Variants in VILL observed in about 807,000 individuals in gnomAD.
VILL encodes the protein villin-like protein.
A neutral mutation model predicts 106.3 loss-of-function variants in VILL; 102 were observed. That is an observed-to-expected ratio of 0.96 (90% CI 0.82 to 1.13). The LOEUF is 1.13. VILL is among the 50% of genes most tolerant of loss of function. The pLI is 0.00. For synonymous variants in VILL, 431 were observed against 440.3 expected (o/e 0.98, Z 0.27); for missense variants, 1,076 against 1,116.6 (o/e 0.96, Z 0.52).
chr3:38,002,874 T>C, intron 14 of VILL: 2 of 527,240 alleles, frequency 3.8e-6, no homozygotes, highest in Non-Finnish European at 6.6e-6. Flanking sequence ...CCTATGCCAG[T>C]TTGCTGGAGT....
upstream of VILL, among the ~76,000 whole-genome samples, chr3:37,989,113 T>C (rs555055170): frequency 8.5e-5 from 13 of 152,162 alleles, no homozygotes; most frequent in Admixed American, 3.3e-4. Flanking sequence ...GGATCCACCA[T>C]GAACCAGCTG....
intron 14 of VILL, 117 bp downstream of exon 14, chr3:38,002,692 G>A: frequency 1.7e-6 from 2 of 1,207,824 alleles, no homozygotes; most frequent in Non-Finnish European, 2.3e-6. Context: ...GCCGATGGGG[G>A]GAATGGGGAG....
Position 37,997,161 on chromosome 3 carries a change from A to G in VILL, c.535A>G (p.Lys179Glu). 1 of 1,614,174 alleles carries G rather than the reference A, an allele frequency of 6.2e-7. No individual in the cohort carries two copies. The highest frequency in any genetic ancestry group is 8.5e-7 in the Non-Finnish European group (1 of 1,180,014). ...GKMMIQWNGP[K>E]TSISEKARGL... ...GATGATGATTCAGTGGAATGGGCCC[A>G]AGACCAGCATTTCTGAGAAGGCTCG... Residue 179 changes from lysine (K) to glutamate (E), a missense_variant, in exon 6 of 20, where the codon AAG (lysine) becomes GAG (glutamate). Lys to Glu is a moderately conservative substitution (Grantham distance 56). Transcript: ENST00000383759. The surrounding 1 kb of genome is among the most constrained non-coding windows in gnomAD (Gnocchi z 4.7).
chr3:37,992,694 C>A (rs1699628156), intron 1 of VILL, among the ~76,000 whole-genome samples: 1 of 152,060 alleles, frequency 6.6e-6, no homozygotes, highest in Admixed American at 6.5e-5. Context: ...CTCTAACCCC[C>A]TAGAAGGACA....
At position 38,002,249 on chromosome 3, in the gene VILL, G is replaced by A. The variant is rs2125536435; in HGVS notation, c.1480-147G>A. 5.6e-6 allele frequency: 4 copies of A among 719,910 alleles called. No individual in the cohort carries two copies. In the South Asian group the frequency reaches 5.7e-5, roughly 10 times the overall value. The allele number at this position is 719,910 out of a possible 1,614,324, so 44.6% of individuals were successfully genotyped here. On this transcript the variant is annotated intron_variant, in intron 13 of 19. Transcript: ENST00000383759. ...GATTCCTGCACTCCACACTTAGAGGGTCCTGTACTCCTCATGTGAAATCAC... is the reference window on the plus strand; with the variant it reads ...GATTCCTGCACTCCACACTTAGAGGATCCTGTACTCCTCATGTGAAATCAC...
rs1699717819 is a variant in VILL at position 37,997,166 on chromosome 3, C to T, written c.540C>T (p.Thr180=). Residue 180 remains threonine, a synonymous_variant, in exon 6 of 20, where the codon ACC becomes ACT. Coordinates refer to ENST00000383759, the MANE Select transcript of VILL (RefSeq NM_015873.4). This position sits in a 1 kb window ranked among gnomAD's most constrained non-coding sequence, Gnocchi z 4.7. ...KMMIQWNGPK[T]SISEKARGLA... ...TGATTCAGTGGAATGGGCCCAAGAC[C>T]AGCATTTCTGAGAAGGCTCGGGTCA... 6.2e-7 allele frequency: 1 copy of T among 1,614,008 alleles called. No homozygotes were observed. The highest frequency in any genetic ancestry group is 1.7e-5 in the Admixed American group (1 of 59,998).
At chr3:37,993,113 C>A (rs1160106699) in intron 1 of VILL, among the ~76,000 whole-genome samples, 1 of 152,216 alleles carries the variant, frequency 6.6e-6, no homozygotes, top group African/African-American at 2.4e-5. Flanking sequence ...ATAACAAAAT[C>A]GACAGAAGTG....
chr3:37,999,054 A>G lies in VILL; in HGVS notation c.1081+4A>G, dbSNP rs1235837333. On this transcript the variant is annotated splice_donor_region_variant and intron_variant, in intron 10 of 19. Transcript: ENST00000383759. ...AACCAGAAGCTCGGCGGGAGGGGTG[A>G]GCGGGCGGGGCGGGGCTGACGGGGG... 1 of 650,350 alleles carries G rather than the reference A, an allele frequency of 1.5e-6. No individual in the cohort carries two copies. The highest frequency in any genetic ancestry group is 2.7e-5 in the African/African-American group (1 of 37,162). 40.3% of individuals were successfully genotyped at this position (650,350 alleles called of 1,614,324 possible).
At chr3:37,993,364 GAA>G in intron 1 of VILL, 9 of 364,322 alleles carry the variant, frequency 2.5e-5, no homozygotes, top group South Asian at 1.0e-4. Context: ...AGGTTGCAGT[GAA>G]GTGTGTTCGA....
chr3:37,993,753 G>A (rs768104112), intron 2 of VILL, 21 bp downstream of exon 2: 1 of 1,613,514 alleles, frequency 6.2e-7, no homozygotes, highest in Admixed American at 1.7e-5. Flanking sequence ...CGACCAAATA[G>A]GAGAGTTGGT....
Position 38,007,182 on chromosome 3 carries a change from C to A in VILL, c.*127C>A. ...TGCGTGTCAGTAAAAGCAGGCAGCC[C>A]ATACGAGCTGTGGTATGCGTGCTTT... On this transcript the variant is annotated 3_prime_UTR_variant, in exon 20 of 20. Transcript: ENST00000383759. 1.3e-6 allele frequency: 1 copy of A among 779,708 alleles called. No homozygotes were observed. 48.3% of individuals were successfully genotyped at this position (779,708 alleles called of 1,614,324 possible).
chr3:38,001,522 G>A lies in VILL; in HGVS notation c.1249G>A (p.Gly417Ser). ...CAAGCGTCATGGACAGCTGTGTGCA[G>A]GCAACTGCTACCTTGTGCTCTACAC... The part of the protein sequence containing the change: ...DPKRHGQLCA[G>S]NCYLVLYTYQ... Residue 417 changes from glycine (G) to serine (S), a missense_variant, in exon 12 of 20, where the codon GGC (glycine) becomes AGC (serine). By Grantham distance (56) the Gly-to-Ser change is moderately conservative. Transcript: ENST00000383759. 6.2e-7 allele frequency: 1 copy of A among 1,614,246 alleles called. No individual in the cohort carries two copies. The highest frequency in any genetic ancestry group is 8.5e-7 in the Non-Finnish European group (1 of 1,180,036).
upstream of VILL, among the ~76,000 whole-genome samples, chr3:37,989,142 G>A (rs896973926): frequency 1.3e-5 from 2 of 152,172 alleles, no homozygotes; most frequent in African/African-American, 4.8e-5. Flanking sequence ...CCAGTGGCTT[G>A]CGGGAGAGAG....
chr3:37,998,941 C>A lies in VILL; in HGVS notation c.972C>A (p.Thr324=). 1 of 1,609,878 alleles carries A rather than the reference C, an allele frequency of 6.2e-7. No homozygotes were observed. Among genetic ancestry groups the A allele is most frequent in the Non-Finnish European group, 8.5e-7 (1 of 1,178,114 alleles). Residue 324 remains threonine (T), a synonymous_variant, in exon 10 of 20, where the codon ACC becomes ACA. Coordinates refer to ENST00000383759, the MANE Select transcript of VILL (RefSeq NM_015873.4). This position sits in a 1 kb window ranked among gnomAD's most constrained non-coding sequence, Gnocchi z 4.1. ...TCATCCAGGCCAAGGGCTACCCGAC[C>A]TACACCAACGTGGAGGTGGTGAACG... ...VGFIQAKGYP[T]YTNVEVVNDG...
rs1699951336 is a variant in VILL, at chr3:38,007,158, G to A, written c.*103G>A. 1.0e-6 allele frequency: 1 copy of A among 962,758 alleles called. No individual in the cohort carries two copies. The highest frequency in any genetic ancestry group is 1.6e-6 in the Non-Finnish European group (1 of 623,430). The allele number at this position is 962,758 out of a possible 1,614,324, so 59.6% of individuals were successfully genotyped here. A position where few individuals can be genotyped will look rare whatever the true frequency, so the allele number is the denominator to read the frequency against. ...CCTCAGAGGCTTTTGGTCATCCTCT[G>A]CGTGTCAGTAAAAGCAGGCAGCCCA... is the stretch of plus-strand genomic sequence containing the variant. On this transcript the variant is annotated 3_prime_UTR_variant, in exon 20 of 20. Transcript: ENST00000383759.
intron 2 of VILL, 54 bp from the exon 3 acceptor site, chr3:37,993,844 G>A (rs1258771770): frequency 2.5e-6 from 4 of 1,609,504 alleles, no homozygotes; most frequent in East Asian, 2.2e-5. Context: ...CCACCCCAGC[G>A]GGTGTCATGG....
rs1243037178 is a variant in VILL at position 38,007,144 on chromosome 3, T to A, written c.*89T>A. Reference sequence around the variant, plus strand: ...CCTGCTTCCACTCCCCTCAGAGGCTTTTGGTCATCCTCTGCGTGTCAGTAA... The same window carrying A: ...CCTGCTTCCACTCCCCTCAGAGGCTATTGGTCATCCTCTGCGTGTCAGTAA... On this transcript the variant is annotated 3_prime_UTR_variant, in exon 20 of 20. Transcript: ENST00000383759. 9.0e-7 allele frequency: 1 copy of A among 1,115,374 alleles called. No individual in the cohort carries two copies. Among genetic ancestry groups the A allele is most frequent in the Non-Finnish European group, 1.3e-6 (1 of 750,038 alleles). The allele number at this position is 1,115,374 out of a possible 1,614,324, so 69.1% of individuals were successfully genotyped here.
In VILL at chr3:37,995,832, C is replaced by T. The variant is rs565209440; in HGVS notation, c.435C>T (p.His145=). The T allele has an allele frequency of 7.9e-5, 128 of 1,613,618 alleles. No homozygotes were observed. The highest frequency in any genetic ancestry group is 1.0e-4 in the Non-Finnish European group (120 of 1,179,696). The change falls in exon 5 of 20, where the codon CAC becomes CAT. Residue 145 remains histidine, a synonymous_variant. Coordinates refer to ENST00000383759, the MANE Select transcript of VILL (RefSeq NM_015873.4). The part of the protein sequence containing the change: ...QRLLHIKGRK[H]VSATEVELSW... ...TGCTGCACATCAAAGGGAGGAAGCA[C>T]GTGTCTGCCACTGAGGTGAGGCTGC...
chr3:37,989,087 G>C (rs1699580610), upstream of VILL, among the ~76,000 whole-genome samples: 1 of 152,190 alleles, frequency 6.6e-6, no homozygotes, highest in South Asian at 2.1e-4. Flanking sequence ...AGGCGTGAGA[G>C]GGAGGGCCAG....
Sources: gnomAD v4.1 joint callset for allele counts (sites outside exome capture counted in the v4.1 genomes callset) on GRCh38, gnomAD v4.1.1 for gene constraint, Gnocchi (gnomAD v3.1) non-coding constraint, MANE v1.5 for transcripts, NCBI Gene and HGNC (gene_info 2026-07-23, HGNC 2026-07-21) for gene names.